The following FSTL4 variants were observed in gnomAD, a reference collection of about 807,000 sequenced individuals.
The protein encoded by FSTL4 is follistatin like 4, also known as follistatin-related protein 4.
FSTL4 carries 28 observed loss-of-function variants against 78.2 expected under a neutral mutation model. The observed-to-expected ratio is 0.36, with a 90% CI of 0.27 to 0.49. The LOEUF (loss-of-function observed/expected upper bound fraction) is 0.49. Among genes scored for constraint, FSTL4 ranks in the 20% least tolerant of loss-of-function variants. The probability of loss-of-function intolerance (pLI) is 0.98; values close to 1 mark genes in which losing one functional copy is unlikely to be tolerated. For synonymous variants in FSTL4, 422 were observed against 440.5 expected (o/e 0.96, Z 0.53); for missense variants, 922 against 1,084.9 (o/e 0.85, Z 2.11).
At chr5:133,823,770 A>G in the FSTL4 span, among the ~76,000 whole-genome samples, 1 of 152,124 alleles carries the variant, frequency 6.6e-6, no homozygotes, top group African/African-American at 2.4e-5. Flanking sequence ...CAAGGTCAGC[A>G]TACCCTGGAA....
At chr5:133,714,502 T>C in the FSTL4 span, among the ~76,000 whole-genome samples, 1 of 152,178 alleles carries the variant, frequency 6.6e-6, no homozygotes, top group African/African-American at 2.4e-5. Context: ...CAGTGTCTGG[T>C]ACAGAGGAGG....
chr5:133,232,927 T>A (rs181852257), intron 8 of FSTL4, among the ~76,000 whole-genome samples: 164 of 152,318 alleles, frequency 1.1e-3, no homozygotes, highest in African/African-American at 3.8e-3. Flanking sequence ...CTGGCTTGGC[T>A]AAGATGAGGC....
At chr5:133,454,826 A>G (rs1241006863) in intron 3 of FSTL4, among the ~76,000 whole-genome samples, 1 of 152,128 alleles carries the variant, frequency 6.6e-6, no homozygotes, top group Non-Finnish European at 1.5e-5. Context: ...CAGCAACCAG[A>G]CCAGGCCTGC....
chr5:133,461,380 A>G (rs187417525), intron 3 of FSTL4, among the ~76,000 whole-genome samples: 20 of 152,302 alleles, frequency 1.3e-4, no homozygotes, highest in African/African-American at 4.1e-4. Context: ...CTTGCAAGGG[A>G]CTTAATTACA....
intron 6 of FSTL4, among the ~76,000 whole-genome samples, chr5:133,307,165 A>G (rs1282472123): frequency 6.6e-6 from 1 of 152,032 alleles, no homozygotes; most frequent in Non-Finnish European, 1.5e-5. Context: ...TCTAGCTTGG[A>G]CTCTGGAGTC....
At chr5:133,776,124 G>T in the FSTL4 span, among the ~76,000 whole-genome samples, 1 of 152,058 alleles carries the variant, frequency 6.6e-6, no homozygotes, top group East Asian at 1.9e-4. Flanking sequence ...TTGCTCTCCA[G>T]GTCTATGCTC....
chr5:133,546,807 C>A (rs1206121595), intron 3 of FSTL4, among the ~76,000 whole-genome samples: 3 of 152,176 alleles, frequency 2.0e-5, no homozygotes, highest in Non-Finnish European at 4.4e-5. Flanking sequence ...CACTCCTCTG[C>A]CAACCCAGCC....
intron 6 of FSTL4, among the ~76,000 whole-genome samples, chr5:133,278,028 A>G (rs970278206): frequency 6.6e-6 from 1 of 152,172 alleles, no homozygotes; most frequent in Non-Finnish European, 1.5e-5. Flanking sequence ...CAGGAGGGTG[A>G]GCCTAATTCA....
the FSTL4 span, among the ~76,000 whole-genome samples, chr5:133,829,235 C>G: frequency 6.6e-6 from 1 of 151,986 alleles, no homozygotes; most frequent in African/African-American, 2.4e-5. Flanking sequence ...ACTAAAAATA[C>G]AAAAAAATAA....
the FSTL4 span, among the ~76,000 whole-genome samples, chr5:133,622,298 G>A: frequency 6.6e-6 from 1 of 151,904 alleles, no homozygotes; most frequent in Non-Finnish European, 1.5e-5. Context: ...TAACCACCTG[G>A]CTTTTTCTAT....
chr5:133,256,832 T>C (rs1752392457), intron 6 of FSTL4, among the ~76,000 whole-genome samples: 1 of 152,248 alleles, frequency 6.6e-6, no homozygotes, highest in Admixed American at 6.5e-5. Context: ...TGTCATTCCC[T>C]CTTGCTTGCT....
the FSTL4 span, among the ~76,000 whole-genome samples, chr5:133,659,405 A>G: frequency 1.3e-5 from 2 of 150,576 alleles, no homozygotes; most frequent in Non-Finnish European, 3.0e-5. Flanking sequence ...TGATACTAAA[A>G]TTTCTATTCT....
chr5:133,567,757 T>C (rs1287398143), intron 2 of FSTL4, among the ~76,000 whole-genome samples: 1 of 152,238 alleles, frequency 6.6e-6, no homozygotes, highest in Non-Finnish European at 1.5e-5. Context: ...GATAGCCAGT[T>C]CATGCCACTG....
chr5:133,341,461 T>C (rs1332363660), intron 4 of FSTL4, among the ~76,000 whole-genome samples: 1 of 152,052 alleles, frequency 6.6e-6, no homozygotes, highest in African/African-American at 2.4e-5. Context: ...CCCTTGCACG[T>C]GGTCCTAGGA....
chr5:133,612,825 G>A (rs1248831519), upstream of FSTL4, among the ~76,000 whole-genome samples: 2 of 152,116 alleles, frequency 1.3e-5, no homozygotes, highest in Non-Finnish European at 2.9e-5. The surrounding 1 kb of genome is among the most constrained non-coding windows in gnomAD (Gnocchi z 6.2). Flanking sequence ...GCTCCTTTCC[G>A]GGCCAGGTTC....
the FSTL4 span, among the ~76,000 whole-genome samples, chr5:133,793,171 G>A: frequency 6.6e-6 from 1 of 152,188 alleles, no homozygotes; most frequent in African/African-American, 2.4e-5. Context: ...TGAGACCTGG[G>A]GAGGGACCAC....
intron 3 of FSTL4, among the ~76,000 whole-genome samples, chr5:133,531,602 G>A (rs544521573): frequency 6.6e-6 from 1 of 152,330 alleles, no homozygotes; most frequent in African/African-American, 2.4e-5. Flanking sequence ...GATGGAGTGA[G>A]CAACAAATTG....
At position 133,352,331 on chromosome 5, in the gene FSTL4, CAT is replaced by C. The variant is rs143228488; in HGVS notation, c.410-35681_410-35680del. On this transcript the variant is annotated intron_variant, in intron 4 of 15. Coordinates refer to ENST00000265342, the MANE Select transcript of FSTL4 (RefSeq NM_015082.2). ...ATATATACACACATATATATACACACATATATATATACACATATATATACACA... is the reference window on the plus strand; with the variant it reads ...ATATATACACACATATATATACACACATATATATACACATATATATACACA... 4.0e-4 allele frequency among the ~76,000 whole-genome samples: 40 copies of C among 100,720 alleles called. 1 individual carries two copies. Among genetic ancestry groups the C allele is most frequent in the East Asian group, 1.0e-3 (2 of 1,928 alleles). 66.1% of individuals were successfully genotyped at this position (100,720 alleles called of 152,430 possible). A position where few individuals can be genotyped will look rare whatever the true frequency, so the allele number is the denominator to read the frequency against.
chr5:133,341,258 TAA>T (rs577825241), intron 4 of FSTL4, among the ~76,000 whole-genome samples: 1 of 101,504 alleles, frequency 9.9e-6, no homozygotes. Flanking sequence ...TAGGGGAAAG[TAA>T]AAAAAAAAAA....
Sources: gnomAD v4.1 joint callset for allele counts (sites outside exome capture counted in the v4.1 genomes callset) on GRCh38, gnomAD v4.1.1 for gene constraint, Gnocchi (gnomAD v3.1) non-coding constraint, MANE v1.5 for transcripts, NCBI Gene and HGNC (gene_info 2026-07-23, HGNC 2026-07-21) for gene names.